Variants in SAMD12 observed in about 807,000 individuals in gnomAD.
SAMD12 encodes sterile alpha motif domain containing 12, also known as sterile alpha motif domain-containing protein 12.
SAMD12 carries 9 observed loss-of-function variants against 15.0 expected under a neutral mutation model. The observed-to-expected ratio is 0.60, with a 90% confidence interval of 0.36 to 1.05. SAMD12 has a LOEUF of 1.05. Ranked by LOEUF, SAMD12 falls within the 50% of genes least tolerant of loss-of-function variation. The probability of loss-of-function intolerance (pLI) is 0.01; values close to 1 mark genes in which losing one functional copy is unlikely to be tolerated. For synonymous variants in SAMD12, 86 were observed against 90.1 expected (o/e 0.96, Z 0.25); for missense variants, 230 against 234.2 (o/e 0.98, Z 0.12).
Position 118,286,234 on chromosome 8 carries a change from G to T in SAMD12, c.434-88502C>A, listed in dbSNP as rs143795605. 6.6e-3 allele frequency among the ~76,000 whole-genome samples: 996 copies of T among 151,548 alleles called. 13 individuals are homozygous for T. Among genetic ancestry groups the T allele is most frequent in the African/African-American group, 0.023 (948 of 41,262 alleles). On this transcript the variant is annotated intron_variant, in intron 4 of 4. Transcript: ENST00000409003. The stretch of plus-strand genomic sequence containing the variant: ...CTAACGTAAATGACGAGTTAATGGG[G>T]GCAGCACACCAACATGGCACATGTA...
intron 2 of SAMD12, among the ~76,000 whole-genome samples, chr8:118,566,267 C>T (rs73319334): frequency 0.011 from 1,641 of 152,318 alleles, 35 homozygotes; most frequent in African/African-American, 0.037. Context: ...TCTTCCCGCA[C>T]AGCTGCTCCT....
At chr8:118,600,296 A>C (rs116014301) in intron 1 of SAMD12, among the ~76,000 whole-genome samples, 2,546 of 152,158 alleles carry the variant, frequency 0.017, 57 homozygotes, top group African/African-American at 0.057. Flanking sequence ...AAAAAAAAAA[A>C]CTACATTTAG....
At chr8:118,155,187 G>T in the SAMD12 span, among the ~76,000 whole-genome samples, 4 of 152,046 alleles carry the variant, frequency 2.6e-5, no homozygotes, top group Non-Finnish European at 4.4e-5. Context: ...TAAAGTGTGG[G>T]TTCAATCAAG....
chr8:118,228,181 T>C (rs971645984), intron 4 of SAMD12, among the ~76,000 whole-genome samples: 2 of 152,166 alleles, frequency 1.3e-5, no homozygotes, highest in African/African-American at 4.8e-5. Flanking sequence ...CTAAAAATTC[T>C]AGAAAATAAC....
chr8:118,357,819 T>C (rs1818306849), intron 4 of SAMD12, among the ~76,000 whole-genome samples: 1 of 152,178 alleles, frequency 6.6e-6, no homozygotes, highest in South Asian at 2.1e-4. Context: ...GGCTCTGTGA[T>C]TCAACCTGTG....
intron 2 of SAMD12, among the ~76,000 whole-genome samples, chr8:118,575,989 C>T (rs991928218): frequency 6.6e-5 from 10 of 150,772 alleles, no homozygotes; most frequent in Admixed American, 4.6e-4. Context: ...CTGAGTATTT[C>T]GACTTTTTTT....
chr8:118,352,519 G>A (rs1818005978), intron 4 of SAMD12, among the ~76,000 whole-genome samples: 1 of 152,094 alleles, frequency 6.6e-6, no homozygotes, highest in Non-Finnish European at 1.5e-5. Flanking sequence ...CATTCTTACA[G>A]ATGCCAATAA....
At chr8:118,208,415 T>G in intron 4 of SAMD12, among the ~76,000 whole-genome samples, 1 of 152,220 alleles carries the variant, frequency 6.6e-6, no homozygotes, top group Non-Finnish European at 1.5e-5. Flanking sequence ...GGGTATCTTG[T>G]TAAAATGCAG....
chr8:118,510,171 A>T (rs10100091), intron 2 of SAMD12, among the ~76,000 whole-genome samples: 96,114 of 151,914 alleles, frequency 0.63, 30,583 homozygotes, highest in South Asian at 0.71. Flanking sequence ...TCAAATTTAC[A>T]TTACAAAAAA....
intron 4 of SAMD12, among the ~76,000 whole-genome samples, chr8:118,370,279 A>G (rs1819014986): frequency 6.6e-6 from 1 of 152,214 alleles, no homozygotes; most frequent in Non-Finnish European, 1.5e-5. Context: ...CAAAGTCAAG[A>G]AAAAACAGAT....
chr8:118,296,814 TTCAC>T (rs1814738164), intron 4 of SAMD12, among the ~76,000 whole-genome samples: 1 of 152,232 alleles, frequency 6.6e-6, no homozygotes, highest in African/African-American at 2.4e-5. Context: ...TGTTGGTTCA[TTCAC>T]TCACTCATTC....
At chr8:118,173,653 G>C in the SAMD12 span, among the ~76,000 whole-genome samples, 5 of 124,642 alleles carry the variant, frequency 4.0e-5, no homozygotes, top group Admixed American at 4.4e-4. Flanking sequence ...TTTTTGAGAT[G>C]GAGTCTTGCT....
chr8:118,213,438 A>T (rs2514960), intron 4 of SAMD12, among the ~76,000 whole-genome samples: 79,952 of 151,994 alleles, frequency 0.53, 22,284 homozygotes, highest in Non-Finnish European at 0.62. Context: ...AAATATCAGC[A>T]GCCACCGCAG....
chr8:118,361,657 C>A (rs1189873848), intron 4 of SAMD12, among the ~76,000 whole-genome samples: 1 of 152,146 alleles, frequency 6.6e-6, no homozygotes, highest in African/African-American at 2.4e-5. Context: ...CATCACTTTC[C>A]TGCCCTAACA....
intron 3 of SAMD12, among the ~76,000 whole-genome samples, chr8:118,388,382 A>T (rs1217410889): frequency 6.6e-6 from 1 of 152,140 alleles, no homozygotes; most frequent in Non-Finnish European, 1.5e-5. Context: ...CCTACACTAC[A>T]TCTCTGATTA....
intron 4 of SAMD12, among the ~76,000 whole-genome samples, chr8:118,225,548 T>C (rs1812171857): frequency 1.3e-5 from 2 of 152,104 alleles, no homozygotes; most frequent in African/African-American, 4.8e-5. Context: ...ACCTAACTGT[T>C]TGCAGGGGAA....
At chr8:118,464,787 T>C (rs893957001) in intron 2 of SAMD12, among the ~76,000 whole-genome samples, 2 of 152,174 alleles carry the variant, frequency 1.3e-5, no homozygotes, top group Non-Finnish European at 2.9e-5. Context: ...AAATTGGGGC[T>C]AATAATCAAT....
At chr8:118,321,320 T>A (rs868780177) in intron 4 of SAMD12, among the ~76,000 whole-genome samples, 148 of 137,438 alleles carry the variant, frequency 1.1e-3, no homozygotes, top group Admixed American at 1.7e-3. Flanking sequence ...GGTTTTTTTT[T>A]AAAGAAAAGT....
At chr8:118,407,442 T>C (rs912283275) in intron 3 of SAMD12, among the ~76,000 whole-genome samples, 2 of 152,180 alleles carry the variant, frequency 1.3e-5, no homozygotes, top group Admixed American at 1.3e-4. Context: ...TCTTTTCATA[T>C]GCAGGTAACA....
Sources: gnomAD v4.1 joint callset for allele counts (sites outside exome capture counted in the v4.1 genomes callset) on GRCh38, gnomAD v4.1.1 for gene constraint, MANE v1.5 for transcripts, NCBI Gene and HGNC (gene_info 2026-07-23, HGNC 2026-07-21) for gene names.